The following TULP3 variants were observed in gnomAD, a reference collection of about 807,000 sequenced individuals.
TULP3 encodes the protein tubby-related protein 3.
Under a neutral mutation model 50.7 loss-of-function variants are expected in TULP3, and 38 were observed. That is an observed-to-expected ratio of 0.75 (90% CI 0.58 to 0.98). The LOEUF is 0.98. Ranked by LOEUF, TULP3 falls within the 50% of genes least tolerant of loss-of-function variation. TULP3 has a pLI of 0.00. For synonymous variants in TULP3, 183 were observed against 196.6 expected (o/e 0.93, Z 0.58); for missense variants, 550 against 568.0 (o/e 0.97, Z 0.32).
At chr12:2,911,800 T>C (rs989071685) in intron 2 of TULP3, among the ~76,000 whole-genome samples, 9 of 150,524 alleles carry the variant, frequency 6.0e-5, no homozygotes, top group African/African-American at 2.2e-4. Flanking sequence ...AAAAATCTCT[T>C]TGGATCAGAT....
chr12:2,927,928 G>T (rs1473451730), intron 4 of TULP3, among the ~76,000 whole-genome samples: 1 of 152,126 alleles, frequency 6.6e-6, no homozygotes, highest in East Asian at 1.9e-4. Context: ...TTCTCTTGGA[G>T]AAATGATTCT....
intron 8 of TULP3, among the ~76,000 whole-genome samples, chr12:2,936,594 A>C (rs1009371541): frequency 6.6e-6 from 1 of 150,934 alleles, no homozygotes; most frequent in Non-Finnish European, 1.5e-5. Flanking sequence ...AAAAAAAAAA[A>C]ATACAAAATT....
rs1259476520 is a variant in TULP3, at chr12:2,940,656, A to G, written c.*1212A>G. 2 of 1,551,592 alleles carry G rather than the reference A, an allele frequency of 1.3e-6. No homozygotes were observed. Among genetic ancestry groups the G allele is most frequent in the Admixed American group, 3.9e-5 (2 of 50,976 alleles). ...GGACACCCGTGGCGGCTGCTCCCTCAGACCTCCCTTCTGTGGACTGACCTC... is the reference window on the plus strand; with the variant it reads ...GGACACCCGTGGCGGCTGCTCCCTCGGACCTCCCTTCTGTGGACTGACCTC... On this transcript the variant is annotated 3_prime_UTR_variant, in exon 11 of 11. Transcript: ENST00000448120.
intron 1 of TULP3, among the ~76,000 whole-genome samples, chr12:2,903,576 A>G (rs2098180472): frequency 1.3e-5 from 2 of 149,734 alleles, no homozygotes; most frequent in South Asian, 2.1e-4. Flanking sequence ...AAAAAAAAAA[A>G]GAAAAAAGAA....
chr12:2,935,634 A>C (rs1038936862), intron 8 of TULP3, among the ~76,000 whole-genome samples: 1 of 152,176 alleles, frequency 6.6e-6, no homozygotes, highest in Non-Finnish European at 1.5e-5. Flanking sequence ...ATTTGACTTC[A>C]CACTTTAATG....
chr12:2,919,820 C>A (rs921048852), intron 2 of TULP3, among the ~76,000 whole-genome samples: 1 of 151,240 alleles, frequency 6.6e-6, no homozygotes, highest in African/African-American at 2.4e-5. Flanking sequence ...TAGTCTTTAT[C>A]TTGCTTTTAT....
intron 4 of TULP3, among the ~76,000 whole-genome samples, chr12:2,928,662 GC>G (rs1193549233): frequency 6.6e-6 from 1 of 151,922 alleles, no homozygotes; most frequent in African/African-American, 2.4e-5. Context: ...ACCAGTGTTG[GC>G]CTGGCATGTT....
intron 6 of TULP3, 105 bp downstream of exon 6, chr12:2,931,345 A>C: frequency 1.9e-6 from 2 of 1,041,138 alleles, no homozygotes; most frequent in Non-Finnish European, 2.8e-6. Flanking sequence ...AGACCAAGCC[A>C]GCTGGAAGTA....
rs566870711 is a variant in TULP3, at chr12:2,939,494, G to T, written c.*50G>T. 3.1e-6 allele frequency: 5 copies of T among 1,605,300 alleles called. No homozygotes were observed. The Admixed American group carries it at 8.5e-5, about 27-fold the overall frequency. ...TCTCCCCACAGAGCTTTCAGGAGCA[G>T]ACAGTGGCCTCCCCTTCCCCTCCCT... On this transcript the variant is annotated 3_prime_UTR_variant, in exon 11 of 11. Coordinates refer to ENST00000448120, the MANE Select transcript of TULP3 (RefSeq NM_003324.5). This position sits in a 1 kb window ranked among gnomAD's most constrained non-coding sequence, Gnocchi z 4.0.
Position 2,909,588 on chromosome 12 carries a change from G to A in TULP3, c.93+8G>A, listed in dbSNP as rs1211355422. ...GCTAAGCTGGATTATCAGGTGAGCAGAGTCTCCTCTTTTGAAATAGGTGGC... is the reference window on the plus strand; with the variant it reads ...GCTAAGCTGGATTATCAGGTGAGCAAAGTCTCCTCTTTTGAAATAGGTGGC... On this transcript the variant is annotated splice_region_variant and intron_variant, in intron 2 of 10. Coordinates refer to ENST00000448120, the MANE Select transcript of TULP3 (RefSeq NM_003324.5). The A allele has an allele frequency of 6.3e-7, 1 of 1,583,214 alleles. No homozygotes were observed.
intron 1 of TULP3, among the ~76,000 whole-genome samples, chr12:2,893,904 A>AG (rs1391859367): frequency 6.6e-6 from 1 of 151,634 alleles, no homozygotes; most frequent in Non-Finnish European, 1.5e-5. Context: ...TCAGCCTCCC[A>AG]AAGTGCTGGG....
At chr12:2,923,891 G>A (rs868725670) in intron 4 of TULP3, among the ~76,000 whole-genome samples, 1 of 151,928 alleles carries the variant, frequency 6.6e-6, no homozygotes, top group South Asian at 2.1e-4. Context: ...GAGGCAGGAG[G>A]ATGGCTTGAG....
At chr12:2,899,466 G>A (rs921415080) in intron 1 of TULP3, among the ~76,000 whole-genome samples, 5 of 151,700 alleles carry the variant, frequency 3.3e-5, no homozygotes, top group African/African-American at 1.2e-4. Context: ...AATCATAAAA[G>A]TATTTTTTCC....
Position 2,940,504 on chromosome 12 carries a change from C to A in TULP3, c.*1060C>A. On this transcript the variant is annotated 3_prime_UTR_variant, in exon 11 of 11. Transcript: ENST00000448120. The stretch of plus-strand genomic sequence containing the variant: ...TTACACCCCTCCACGTATTATGTGA[C>A]TCTTACACCAGTTCACCCTTCCCAG... 6.5e-7 allele frequency: 1 copy of A among 1,534,124 alleles called. No homozygotes were observed. Among genetic ancestry groups the A allele is most frequent in the Non-Finnish European group, 8.8e-7 (1 of 1,137,978 alleles).
rs1027111950 is a variant in TULP3 at position 2,932,948 on chromosome 12, T to A, written c.697-470T>A. Among the ~76,000 whole-genome samples, 27 of 151,742 alleles carry A rather than the reference T, an allele frequency of 1.8e-4. 1 individual carries two copies. The highest frequency in any genetic ancestry group is 3.9e-4 in the East Asian group (2 of 5,178). ...TAGTGAATTATTTTATTTTTATTTT[T>A]TATTTTTTTTTTGAGACAGAGTCTC... On this transcript the variant is annotated intron_variant, in intron 6 of 10. Transcript: ENST00000448120.
intron 2 of TULP3, among the ~76,000 whole-genome samples, chr12:2,912,066 T>C (rs989038990): frequency 6.6e-6 from 1 of 152,058 alleles, no homozygotes; most frequent in African/African-American, 2.4e-5. Flanking sequence ...TTTCCACAAA[T>C]GCAAGCTGAG....
At chr12:2,900,068 AT>A (rs1417233390) in intron 1 of TULP3, among the ~76,000 whole-genome samples, 2 of 151,100 alleles carry the variant, frequency 1.3e-5, no homozygotes, top group Non-Finnish European at 2.9e-5. Flanking sequence ...TACAAAAAAA[AT>A]AAAAAATTAA....
At chr12:2,899,458 T>C (rs1434021078) in intron 1 of TULP3, among the ~76,000 whole-genome samples, 1 of 151,846 alleles carries the variant, frequency 6.6e-6, no homozygotes, top group Non-Finnish European at 1.5e-5. Context: ...CTGTGCTAAA[T>C]CATAAAAGTA....
chr12:2,927,130 T>C (rs1330495474), intron 4 of TULP3, among the ~76,000 whole-genome samples: 1 of 151,072 alleles, frequency 6.6e-6, no homozygotes, highest in Non-Finnish European at 1.5e-5. Context: ...TCATACACTA[T>C]TTGTCTTTTT....
Sources: gnomAD v4.1 joint callset for allele counts (sites outside exome capture counted in the v4.1 genomes callset) on GRCh38, gnomAD v4.1.1 for gene constraint, Gnocchi (gnomAD v3.1) non-coding constraint, MANE v1.5 for transcripts, NCBI Gene and HGNC (gene_info 2026-07-23, HGNC 2026-07-21) for gene names.